The following SUGCT variants were observed in gnomAD, a reference collection of about 807,000 sequenced individuals.
SUGCT encodes the protein succinyl-CoA:glutarate-CoA transferase.
A neutral mutation model predicts 55.0 loss-of-function variants in SUGCT; 41 were observed. The ratio of observed to expected loss-of-function variants is 0.74; its 90% confidence interval spans 0.58 to 0.97. The LOEUF (loss-of-function observed/expected upper bound fraction) is 0.97, where lower values mean the gene tolerates loss of function less well. SUGCT is among the 50% of genes least tolerant of loss of function. SUGCT has a pLI of 0.00. For synonymous variants in SUGCT, 187 were observed against 200.4 expected, an observed-to-expected ratio of 0.93 and a Z score of 0.56; for missense variants, 568 against 547.8, an observed-to-expected ratio of 1.04 and a Z score of -0.37.
At chr7:40,458,199 T>C (rs1223426487) in intron 10 of SUGCT, among the ~76,000 whole-genome samples, 1 of 152,202 alleles carries the variant, frequency 6.6e-6, no homozygotes, top group African/African-American at 2.4e-5. Context: ...GTAAATATAT[T>C]AATAAAGGCA....
At chr7:40,977,645 C>G in the SUGCT span, among the ~76,000 whole-genome samples, 3 of 152,194 alleles carry the variant, frequency 2.0e-5, no homozygotes, top group African/African-American at 7.2e-5. Context: ...AAACCACTCC[C>G]TCTCACAAGG....
chr7:40,440,777 A>G (rs1788472328), intron 9 of SUGCT, among the ~76,000 whole-genome samples: 1 of 151,864 alleles, frequency 6.6e-6, no homozygotes, highest in Admixed American at 6.6e-5. Flanking sequence ...AGGTTGGAGG[A>G]TTGCTTGAAG....
the SUGCT span, among the ~76,000 whole-genome samples, chr7:41,021,616 C>T: frequency 3.3e-5 from 5 of 151,018 alleles, no homozygotes; most frequent in Non-Finnish European, 7.4e-5. Flanking sequence ...GTATTAATGC[C>T]CCCCACCCCC....
chr7:40,978,645 C>T, the SUGCT span, among the ~76,000 whole-genome samples: 1 of 152,104 alleles, frequency 6.6e-6, no homozygotes, highest in Non-Finnish European at 1.5e-5. Context: ...TCGAATGGGG[C>T]AATTGTGGCG....
chr7:40,600,821 A>T (rs1212302004), intron 12 of SUGCT, among the ~76,000 whole-genome samples: 2 of 151,628 alleles, frequency 1.3e-5, no homozygotes, highest in African/African-American at 2.4e-5. Context: ...CATGAGGATG[A>T]TGCTCAGAAT....
intron 9 of SUGCT, among the ~76,000 whole-genome samples, chr7:40,401,830 C>T (rs1786086376): frequency 6.6e-6 from 1 of 152,168 alleles, no homozygotes; most frequent in Non-Finnish European, 1.5e-5. Context: ...AAAGAAGGAT[C>T]CCCAAGGAAA....
chr7:40,562,160 G>A (rs1407426036), intron 12 of SUGCT, among the ~76,000 whole-genome samples: 2 of 151,776 alleles, frequency 1.3e-5, no homozygotes, highest in African/African-American at 2.4e-5. Context: ...TTAGCCGGGT[G>A]TGGTGGTGGG....
chr7:40,651,878 A>G (rs1303180358), intron 12 of SUGCT, among the ~76,000 whole-genome samples: 1 of 152,118 alleles, frequency 6.6e-6, no homozygotes, highest in African/African-American at 2.4e-5. Context: ...TTTTAATTCT[A>G]ATAATGGGGT....
intron 11 of SUGCT, among the ~76,000 whole-genome samples, chr7:40,486,157 G>A (rs1455791396): frequency 6.6e-6 from 1 of 152,044 alleles, no homozygotes; most frequent in Admixed American, 6.6e-5. Context: ...TTCTTTGATG[G>A]CAGACTTTTT....
intron 9 of SUGCT, among the ~76,000 whole-genome samples, chr7:40,401,128 G>A (rs1392475638): frequency 6.6e-6 from 1 of 151,568 alleles, no homozygotes; most frequent in African/African-American, 2.4e-5. Flanking sequence ...TTTTTTTCTT[G>A]TGGAATAGCC....
At chr7:40,532,463 C>A (rs4720368) in intron 12 of SUGCT, among the ~76,000 whole-genome samples, 13,631 of 150,702 alleles carry the variant, frequency 0.09, 650 homozygotes, top group Middle Eastern at 0.11. Context: ...TTCTTAAGAC[C>A]CAGTAAATTC....
chr7:40,788,381 A>G (rs879704793), intron 13 of SUGCT, among the ~76,000 whole-genome samples: 3 of 152,218 alleles, frequency 2.0e-5, no homozygotes, highest in Non-Finnish European at 4.4e-5. Flanking sequence ...TGGGAGAAGA[A>G]AAATCAATGG....
chr7:40,826,834 A>G (rs1792337739), intron 13 of SUGCT, among the ~76,000 whole-genome samples: 2 of 152,306 alleles, frequency 1.3e-5, no homozygotes, highest in South Asian at 4.1e-4. Flanking sequence ...ATTTCTTTTA[A>G]GTATTAAGTA....
chr7:40,815,785 T>C lies in SUGCT; in HGVS notation c.1154-44531T>C, dbSNP rs1026628876. On this transcript the variant is annotated intron_variant, in intron 13 of 13. Transcript: ENST00000335693. ...ATCTCTGCACAGGAAGGATGGGGCA[T>C]GTCAGGCTGCTGATACAGGTGAGTG... Among the ~76,000 whole-genome samples, 8 of 151,752 alleles carry C rather than the reference T, an allele frequency of 5.3e-5. No individual in the cohort carries two copies. The East Asian group carries it at 1.6e-3, about 30-fold the overall frequency.
chr7:40,437,405 A>G (rs913508743), intron 9 of SUGCT, among the ~76,000 whole-genome samples: 4 of 152,178 alleles, frequency 2.6e-5, no homozygotes, highest in Non-Finnish European at 5.9e-5. Flanking sequence ...GTTGCTTTCA[A>G]GGTTACTCTA....
intron 13 of SUGCT, among the ~76,000 whole-genome samples, chr7:40,802,908 G>C (rs777404929): frequency 1.3e-5 from 2 of 152,104 alleles, no homozygotes; most frequent in Non-Finnish European, 2.9e-5. Flanking sequence ...TTCACCGTTT[G>C]TTCCATTTTC....
intron 9 of SUGCT, among the ~76,000 whole-genome samples, chr7:40,371,555 G>A (rs1784296516): frequency 6.6e-6 from 1 of 151,960 alleles, no homozygotes. Flanking sequence ...ATTACATCGT[G>A]GTTTTTCTAC....
chr7:40,245,527 C>A (rs1472205664), intron 7 of SUGCT, among the ~76,000 whole-genome samples: 1 of 141,492 alleles, frequency 7.1e-6, no homozygotes, highest in Non-Finnish European at 1.5e-5. Flanking sequence ...GCAAGCCCTG[C>A]CTCCCGGGTT....
intron 9 of SUGCT, among the ~76,000 whole-genome samples, chr7:40,351,382 CATTAA>C (rs1797623905): frequency 6.6e-6 from 1 of 151,992 alleles, no homozygotes; most frequent in Non-Finnish European, 1.5e-5. Flanking sequence ...TATGATTTCA[CATTAA>C]ATTATTTTAT....
Sources: gnomAD v4.1 joint callset for allele counts (sites outside exome capture counted in the v4.1 genomes callset) on GRCh38, gnomAD v4.1.1 for gene constraint, MANE v1.5 for transcripts, NCBI Gene and HGNC (gene_info 2026-07-23, HGNC 2026-07-21) for gene names.